TOX: variants seen among roughly 807,000 people sequenced by gnomAD.
TOX encodes thymocyte selection-associated high mobility group box protein TOX.
Under a neutral mutation model 53.7 loss-of-function variants are expected in TOX, and 11 were observed. The ratio of observed to expected loss-of-function variants is 0.20; its 90% CI spans 0.13 to 0.34. The LOEUF (loss-of-function observed/expected upper bound fraction) is 0.34, where lower values mean the gene tolerates loss of function less well. TOX is among the 10% of genes least tolerant of loss of function. TOX has a pLI of 1.00. For missense variants in TOX, 570 were observed against 664.6 expected, an observed-to-expected ratio of 0.86 and a Z score of 1.56; for synonymous variants, 225 against 245.3, an observed-to-expected ratio of 0.92 and a Z score of 0.77.
rs80250765 is a variant in TOX, at chr8:59,029,024, T to C, written c.103-69016A>G. On this transcript the variant is annotated intron_variant, in intron 1 of 8. Transcript: ENST00000361421. ...TTTTCATCAGCATACAAATAGATAA[T>C]TGCTCGTTTTGGGACAGAAATACTT... Among the ~76,000 whole-genome samples the C allele has an allele frequency of 4.7e-3, 709 of 152,286 alleles. 47 individuals are homozygous for C. The East Asian group carries it at 0.12, about 26-fold the overall frequency.
chr8:59,064,060 GA>G (rs1382173273), intron 1 of TOX, among the ~76,000 whole-genome samples: 1 of 152,122 alleles, frequency 6.6e-6, no homozygotes, highest in Non-Finnish European at 1.5e-5. Context: ...ATTCCACTGG[GA>G]TTATTGAAGT....
chr8:58,868,178 C>T (rs748535907), intron 3 of TOX, among the ~76,000 whole-genome samples: 1 of 152,122 alleles, frequency 6.6e-6, no homozygotes, highest in Non-Finnish European at 1.5e-5. Context: ...CCATGTAAGA[C>T]ATGCAATTGC....
chr8:59,072,417 A>G (rs1009992305), intron 1 of TOX, among the ~76,000 whole-genome samples: 2 of 152,240 alleles, frequency 1.3e-5, no homozygotes, highest in African/African-American at 4.8e-5. Context: ...TGATATCATC[A>G]TAACCAAAAG....
intron 1 of TOX, among the ~76,000 whole-genome samples, chr8:59,044,314 T>C (rs1803648635): frequency 6.6e-6 from 1 of 151,504 alleles, no homozygotes; most frequent in South Asian, 2.1e-4. Context: ...ATTAACAGAT[T>C]TGAAAATATA....
At chr8:58,970,568 A>G (rs1222425875) in intron 1 of TOX, among the ~76,000 whole-genome samples, 1 of 152,156 alleles carries the variant, frequency 6.6e-6, no homozygotes, top group South Asian at 2.1e-4. Flanking sequence ...GACCTCATGG[A>G]TGATTGAGGT....
At chr8:58,935,215 T>C (rs1812323745) in intron 3 of TOX, among the ~76,000 whole-genome samples, 1 of 152,116 alleles carries the variant, frequency 6.6e-6, no homozygotes, top group Non-Finnish European at 1.5e-5. Context: ...TAATATCTCA[T>C]AATTCATATA....
chr8:58,854,233 G>A (rs1810873420), intron 3 of TOX, among the ~76,000 whole-genome samples: 1 of 152,070 alleles, frequency 6.6e-6, no homozygotes, highest in African/African-American at 2.4e-5. Context: ...TAAATCCCAA[G>A]TTACAAAACA....
chr8:58,870,221 G>A (rs902178045), intron 3 of TOX, among the ~76,000 whole-genome samples: 2 of 152,040 alleles, frequency 1.3e-5, no homozygotes, highest in African/African-American at 4.8e-5. Context: ...AGTGAATATA[G>A]CAAGTATGGA....
intron 1 of TOX, among the ~76,000 whole-genome samples, chr8:59,019,134 T>C (rs1317572955): frequency 1.3e-5 from 2 of 152,210 alleles, no homozygotes; most frequent in Non-Finnish European, 2.9e-5. Flanking sequence ...TCATTTACTT[T>C]CGTTAATACT....
At chr8:58,905,229 C>T (rs1307000117) in intron 3 of TOX, among the ~76,000 whole-genome samples, 1 of 152,188 alleles carries the variant, frequency 6.6e-6, no homozygotes, top group Non-Finnish European at 1.5e-5. Context: ...CCGTGCCTGG[C>T]CCAACATATC....
intron 3 of TOX, among the ~76,000 whole-genome samples, chr8:58,899,008 G>A (rs930439800): frequency 6.6e-6 from 1 of 152,120 alleles, no homozygotes; most frequent in African/African-American, 2.4e-5. Flanking sequence ...CATAATCAGG[G>A]TGCAGCCCTG....
At chr8:58,997,508 G>A (rs1188819612) in intron 1 of TOX, among the ~76,000 whole-genome samples, 1 of 152,182 alleles carries the variant, frequency 6.6e-6, no homozygotes, top group African/African-American at 2.4e-5. Context: ...CCCTGTGCAA[G>A]TGGAACAACT....
At chr8:58,874,271 GT>G (rs1811249008) in intron 3 of TOX, among the ~76,000 whole-genome samples, 1 of 151,920 alleles carries the variant, frequency 6.6e-6, no homozygotes, top group African/African-American at 2.4e-5. Context: ...AGGAGGGAAA[GT>G]TTTTTAGTTT....
intron 1 of TOX, among the ~76,000 whole-genome samples, chr8:59,056,071 G>T (rs775023722): frequency 6.6e-6 from 1 of 151,958 alleles, no homozygotes; most frequent in Non-Finnish European, 1.5e-5. Flanking sequence ...CCCATAAAAG[G>T]TAGTAAAAAA....
rs76755936 is a variant in TOX at position 58,879,346 on chromosome 8, G to T, written c.412-27541C>A. On this transcript the variant is annotated intron_variant, in intron 3 of 8. Coordinates refer to ENST00000361421, the MANE Select transcript of TOX (RefSeq NM_014729.3). Reference sequence around the variant, plus strand: ...AATGTCAATTAGTGCATATAATTTAGAAATTACACTCAAGTCTTGCAGAAT... The same window carrying T: ...AATGTCAATTAGTGCATATAATTTATAAATTACACTCAAGTCTTGCAGAAT... Among the ~76,000 whole-genome samples the T allele has an allele frequency of 1.7e-4, 26 of 152,198 alleles. No homozygotes were observed. The East Asian group carries it at 4.4e-3, about 26-fold the overall frequency.
intron 1 of TOX, among the ~76,000 whole-genome samples, chr8:59,051,729 AC>A (rs1803794079): frequency 6.6e-6 from 1 of 152,150 alleles, no homozygotes; most frequent in Non-Finnish European, 1.5e-5. Context: ...CTTTAAAAAT[AC>A]CTGTTGGATG....
intron 2 of TOX, among the ~76,000 whole-genome samples, chr8:58,959,130 A>C (rs1034708601): frequency 6.6e-6 from 1 of 152,172 alleles, no homozygotes; most frequent in African/African-American, 2.4e-5. Context: ...GTGTCAACAA[A>C]ATGCCCCTGT....
intron 1 of TOX, among the ~76,000 whole-genome samples, chr8:59,103,831 G>C (rs1804850281): frequency 6.6e-6 from 1 of 152,148 alleles, no homozygotes; most frequent in South Asian, 2.1e-4. Context: ...CTAATAACTT[G>C]AGTAAATATT....
intron 1 of TOX, among the ~76,000 whole-genome samples, chr8:58,991,204 G>A (rs1278338272): frequency 1.3e-5 from 2 of 152,150 alleles, no homozygotes; most frequent in African/African-American, 2.4e-5. Context: ...CACACATTGT[G>A]GTGACGATAA....
Sources: gnomAD v4.1 joint callset for allele counts (sites outside exome capture counted in the v4.1 genomes callset) on GRCh38, gnomAD v4.1.1 for gene constraint, MANE v1.5 for transcripts, NCBI Gene and HGNC (gene_info 2026-07-23, HGNC 2026-07-21) for gene names.